GARS1: variants seen among roughly 807,000 people sequenced by gnomAD.
The protein encoded by GARS1 is glycine--tRNA ligase.
Under a neutral mutation model 86.4 loss-of-function variants are expected in GARS1, and 46 were observed. The ratio of observed to expected loss-of-function variants is 0.53; its 90% confidence interval spans 0.42 to 0.68. The LOEUF (loss-of-function observed/expected upper bound fraction) is 0.68, where lower values mean the gene tolerates loss of function less well. Among genes scored for constraint, GARS1 ranks in the 30% least tolerant of loss-of-function variants. The pLI is 0.00. For synonymous variants in GARS1, 342 were observed against 329.8 expected, an observed-to-expected ratio of 1.04 and a Z score of -0.40; for missense variants, 797 against 915.6, an observed-to-expected ratio of 0.87 and a Z score of 1.67.
intron 5 of GARS1, 139 bp downstream of exon 5, chr7:30,603,261 A>C: frequency 1.3e-6 from 1 of 762,696 alleles, no homozygotes; most frequent in Non-Finnish European, 2.2e-6. Flanking sequence ...ATATAGATCA[A>C]GTCCTTTATT....
chr7:30,610,401 A>C (rs369095562), intron 7 of GARS1, among the ~76,000 whole-genome samples: 3 of 152,308 alleles, frequency 2.0e-5, no homozygotes, highest in East Asian at 3.9e-4. Flanking sequence ...TGTTTAACAG[A>C]CTTAGCCAGT....
At chr7:30,599,533 G>T (rs1791331807) in intron 2 of GARS1, among the ~76,000 whole-genome samples, 1 of 152,046 alleles carries the variant, frequency 6.6e-6, no homozygotes, top group Non-Finnish European at 1.5e-5. Flanking sequence ...CTCCCAAGTA[G>T]CTGGGATTAC....
intron 11 of GARS1, 111 bp from the exon 12 acceptor site, chr7:30,622,206 G>A (rs1164867241): frequency 4.0e-6 from 5 of 1,264,900 alleles, no homozygotes; most frequent in East Asian, 2.4e-5. Flanking sequence ...AGGATCTGGA[G>A]TACTGATAGA....
At chr7:30,606,964 C>G (rs1791497320) in intron 6 of GARS1, among the ~76,000 whole-genome samples, 1 of 152,180 alleles carries the variant, frequency 6.6e-6, no homozygotes. Context: ...TTCTCAGCAA[C>G]AAAACATAAT....
intron 13 of GARS1, among the ~76,000 whole-genome samples, chr7:30,628,172 T>G (rs1241045857): frequency 6.6e-5 from 10 of 151,928 alleles, no homozygotes; most frequent in Non-Finnish European, 1.5e-4. Context: ...TGCTAAGAAT[T>G]TTTTTCTTTT....
rs758530758 is a variant in GARS1, at chr7:30,630,517, CTT to C, written c.1810-913_1810-912del. On this transcript the variant is annotated intron_variant, in intron 14 of 16. Transcript: ENST00000389266. ...TTCCACAGAATATTTTTATTTTCGCCTTTTTTTTTTTTTTTTTTTGGTCTCGC... is the reference window on the plus strand; with the variant it reads ...TTCCACAGAATATTTTTATTTTCGCCTTTTTTTTTTTTTTTTTGGTCTCGC... Among the ~76,000 whole-genome samples the C allele has an allele frequency of 7.5e-3, 988 of 130,950 alleles. 8 individuals carry two copies. Among genetic ancestry groups the C allele is most frequent in the Middle Eastern group, 0.012 (3 of 258 alleles). 85.9% of individuals were successfully genotyped at this position (130,950 alleles called of 152,430 possible).
At chr7:30,617,937 T>G (rs1584040192) in intron 10 of GARS1, among the ~76,000 whole-genome samples, 2 of 151,916 alleles carry the variant, frequency 1.3e-5, no homozygotes, top group Admixed American at 1.3e-4. Context: ...AGGCTGAGAG[T>G]CTTTTGGCAT....
intron 10 of GARS1, 36 bp from the exon 11 acceptor site, chr7:30,621,357 A>G (rs774193366): frequency 6.5e-7 from 1 of 1,537,740 alleles, no homozygotes; most frequent in Non-Finnish European, 9.0e-7. Flanking sequence ...AAGTAATAAT[A>G]AGTAAGTAAT....
intron 12 of GARS1, among the ~76,000 whole-genome samples, chr7:30,624,232 C>G (rs1445953576): frequency 6.6e-6 from 1 of 152,126 alleles, no homozygotes; most frequent in Non-Finnish European, 1.5e-5. Context: ...TTTAGACAAT[C>G]CGGGGCTCTG....
rs773181087 is a variant in GARS1 at position 30,632,488 on chromosome 7, CT to C, written c.2094+53del. 1 of 1,571,948 alleles carries C rather than the reference CT, an allele frequency of 6.4e-7. No homozygotes were observed. Among genetic ancestry groups the C allele is most frequent in the Non-Finnish European group, 8.8e-7 (1 of 1,142,300 alleles). ...TTAGCCTTAGAAATGTGTACTGCTT[CT>C]TACTGATTTGTGTTGGATTTTGATG... On this transcript the variant is annotated intron_variant, in intron 16 of 16. Coordinates refer to ENST00000389266, the MANE Select transcript of GARS1 (RefSeq NM_002047.4). This position sits in a 1 kb window ranked among gnomAD's most constrained non-coding sequence, Gnocchi z 4.1.
rs750102065 is a variant in GARS1 at position 30,621,143 on chromosome 7, G to A, written c.1360-250G>A. ...CCTCAAGTGATCCTTCCACCTCAGC[G>A]TCCCAAGTACCTGGGATTACAGGCA... On this transcript the variant is annotated intron_variant, in intron 10 of 16. Transcript: ENST00000389266. Among the ~76,000 whole-genome samples, 17 of 148,948 alleles carry A rather than the reference G, an allele frequency of 1.1e-4. No homozygotes were observed. The East Asian group carries it at 1.4e-3, about 12-fold the overall frequency.
At position 30,631,448 on chromosome 7, in the gene GARS1, T is replaced by G. The variant is rs1162021593; in HGVS notation, c.1810T>G (p.Phe604Val). The G allele has an allele frequency of 3.1e-6, 5 of 1,611,530 alleles. No individual in the cohort carries two copies. The highest frequency in any genetic ancestry group is 1.6e-4 in the Middle Eastern group (1 of 6,080). The change falls in exon 15 of 17, where the codon TTC becomes GTC. Residue 604 changes from phenylalanine to valine, a missense_variant and splice_region_variant. Phe to Val is a conservative substitution (Grantham distance 50). Transcript: ENST00000389266. ...ATTTTTTTCTTTTTAAATCATCCAG[T>G]TCTTCAGTTTCCCTGCTGTAGTTGC... The part of the protein sequence containing the change: ...HVREGDEQRT[F>V]FSFPAVVAPF...
intron 3 of GARS1, 85 bp from the exon 4 acceptor site, chr7:30,600,974 A>G: frequency 8.1e-7 from 1 of 1,232,414 alleles, no homozygotes; most frequent in Non-Finnish European, 1.2e-6. Flanking sequence ...TTTAGGGAGT[A>G]TAGGTATCAG....
intron 9 of GARS1, among the ~76,000 whole-genome samples, chr7:30,616,290 A>C (rs894194209): frequency 4.6e-5 from 7 of 152,230 alleles, no homozygotes; most frequent in Admixed American, 1.3e-4. Context: ...AATGTTTAGC[A>C]GAGCACTTGG....
Position 30,595,074 on chromosome 7 carries a change from C to T in GARS1, c.153C>T (p.Ser51=), listed in dbSNP as rs1184049304. ...CPPISLPAAA[S]RSSMDGAGAE... ...CGATCTCCTTGCCCGCCGCCGCCTC[C>T]CGGAGCAGCATGGACGGCGCGGGGG... The change falls in exon 1 of 17, where the codon TCC becomes TCT. Residue 51 remains serine (S), a synonymous_variant. Transcript: ENST00000389266. The T allele has an allele frequency of 1.9e-6, 3 of 1,549,510 alleles. No individual in the cohort carries two copies. The highest frequency in any genetic ancestry group is 4.8e-5 in the East Asian group (2 of 41,926).
At chr7:30,612,291 T>C (rs1164571097) in intron 8 of GARS1, 46 bp downstream of exon 8, 4 of 1,568,342 alleles carry the variant, frequency 2.6e-6, no homozygotes, top group Admixed American at 1.7e-5. Context: ...ACCTTGGCAT[T>C]GCATTGAAAA....
chr7:30,631,261 A>G, intron 14 of GARS1, 187 bp from the exon 15 acceptor site: 1 of 500,228 alleles, frequency 2.0e-6, no homozygotes, highest in Non-Finnish European at 3.6e-6. Flanking sequence ...AGCTGAAACC[A>G]GGTGTTTCTG....
In GARS1 at chr7:30,621,787, A is replaced by T. The variant is rs374488289; in HGVS notation, c.1467+287A>T. 8.0e-6 allele frequency: 4 copies of T among 499,740 alleles called. No homozygotes were observed. The East Asian group carries it at 1.4e-4, about 18-fold the overall frequency. 31.0% of individuals were successfully genotyped at this position (499,740 alleles called of 1,614,324 possible). A position where few individuals can be genotyped will look rare whatever the true frequency, so the allele number is the denominator to read the frequency against. On this transcript the variant is annotated intron_variant, in intron 11 of 16. Coordinates refer to ENST00000389266, the MANE Select transcript of GARS1 (RefSeq NM_002047.4). ...AATAGTTTTTCTCAGCTGTTTCCAAAACGCACTTCACACCTGCACCTACCT... is the reference window on the plus strand; with the variant it reads ...AATAGTTTTTCTCAGCTGTTTCCAATACGCACTTCACACCTGCACCTACCT...
chr7:30,602,389 T>C (rs1164124180), intron 4 of GARS1, among the ~76,000 whole-genome samples: 1 of 152,232 alleles, frequency 6.6e-6, no homozygotes, highest in African/African-American at 2.4e-5. Flanking sequence ...AAAGAGGAAT[T>C]CTTGCCATTT....
Sources: gnomAD v4.1 joint callset for allele counts (sites outside exome capture counted in the v4.1 genomes callset) on GRCh38, gnomAD v4.1.1 for gene constraint, Gnocchi (gnomAD v3.1) non-coding constraint, MANE v1.5 for transcripts, NCBI Gene and HGNC (gene_info 2026-07-23, HGNC 2026-07-21) for gene names.